Variants in POLK observed in about 807,000 individuals in gnomAD.
The protein encoded by POLK is DNA polymerase kappa, also known as polymerase (DNA directed) kappa.
POLK carries 76 observed loss-of-function variants against 94.0 expected under a neutral mutation model. That is an observed-to-expected ratio of 0.81 (90% CI 0.67 to 0.98). POLK has a LOEUF of 0.98. Among genes scored for constraint, POLK ranks in the 50% least tolerant of loss-of-function variants. POLK has a pLI of 0.00. For synonymous variants in POLK, 349 were observed against 325.4 expected, an observed-to-expected ratio of 1.07 and a Z score of -0.78; for missense variants, 954 against 1,010.1, an observed-to-expected ratio of 0.94 and a Z score of 0.75.
At chr5:75,511,414 G>T (rs1360845880), upstream of POLK, 1 of 1,545,370 alleles carries the variant, frequency 6.5e-7, no homozygotes, top group South Asian at 1.2e-5. Context: ...AGGACGAGCG[G>T]TGAAGGAAGC....
At chr5:75,573,210 T>C (rs436888) in intron 4 of POLK, among the ~76,000 whole-genome samples, 1 of 152,056 alleles carries the variant, frequency 6.6e-6, no homozygotes, top group Non-Finnish European at 1.5e-5. Context: ...CATGTCCTTT[T>C]TAGGGACATG....
In POLK at chr5:75,531,951, C is replaced by T. The variant is rs115853150; in HGVS notation, c.-13-15059C>T. Reference sequence around the variant, plus strand: ...TTGAAGATTTGACTAGAGGAGGATCCACTTCTATGGTCACTCACATGACCT... The same window carrying T: ...TTGAAGATTTGACTAGAGGAGGATCTACTTCTATGGTCACTCACATGACCT... On this transcript the variant is annotated intron_variant, in intron 1 of 14. Transcript: ENST00000241436. 7.4e-3 allele frequency among the ~76,000 whole-genome samples: 1,132 copies of T among 152,202 alleles called. 3 individuals carry two copies. The highest frequency in any genetic ancestry group is 9.8e-3 in the Non-Finnish European group (669 of 68,008).
At chr5:75,527,904 G>A (rs1343427034) in intron 1 of POLK, among the ~76,000 whole-genome samples, 1 of 152,080 alleles carries the variant, frequency 6.6e-6, no homozygotes, top group Non-Finnish European at 1.5e-5. Flanking sequence ...CAACCTAACT[G>A]CTGTCACTAG....
At chr5:75,607,356 T>C in the POLK span, among the ~76,000 whole-genome samples, 1 of 151,368 alleles carries the variant, frequency 6.6e-6, no homozygotes, top group Admixed American at 6.6e-5. Flanking sequence ...TGATCCCAGC[T>C]ACTCAGGAGG....
In POLK at chr5:75,557,961, G is replaced by T. The variant is rs1032597849; in HGVS notation, c.255+5370G>T. ...TCACTGCCATGCCTGGCTAGTTTTT[G>T]TATTTTTAGTTGAGACAGGGTTTCA... On this transcript the variant is annotated intron_variant, in intron 3 of 14. Coordinates refer to ENST00000241436, the Ensembl canonical transcript of POLK. Among the ~76,000 whole-genome samples the T allele has an allele frequency of 2.6e-5, 4 of 151,976 alleles. No homozygotes were observed. In the East Asian group the frequency reaches 7.7e-4, roughly 29 times the overall value.
At chr5:75,515,289 G>A (rs1409193852) in intron 1 of POLK, among the ~76,000 whole-genome samples, 2 of 151,896 alleles carry the variant, frequency 1.3e-5, no homozygotes, top group Non-Finnish European at 2.9e-5. Context: ...AGCAATAAAG[G>A]GATAGTGGAA....
chr5:75,522,609 A>C (rs557951274), intron 1 of POLK, among the ~76,000 whole-genome samples: 1 of 152,312 alleles, frequency 6.6e-6, no homozygotes, highest in African/African-American at 2.4e-5. Flanking sequence ...GTATGATATA[A>C]AAATGATTTC....
At chr5:75,533,107 T>G in intron 1 of POLK, among the ~76,000 whole-genome samples, 1 of 152,162 alleles carries the variant, frequency 6.6e-6, no homozygotes, top group East Asian at 1.9e-4. Flanking sequence ...CACTTGTCAG[T>G]TTTTGTTTTT....
intron 3 of POLK, among the ~76,000 whole-genome samples, chr5:75,557,401 T>C (rs1372008064): frequency 6.6e-6 from 1 of 152,144 alleles, no homozygotes; most frequent in Non-Finnish European, 1.5e-5. Flanking sequence ...TTGCATTGAG[T>C]GTATAGATGA....
chr5:75,538,944 G>A (rs1157873766), intron 1 of POLK, among the ~76,000 whole-genome samples: 1 of 151,892 alleles, frequency 6.6e-6, no homozygotes, highest in Non-Finnish European at 1.5e-5. Context: ...CCAATTTTTT[G>A]TATTTTTAGT....
At chr5:75,518,204 A>T (rs1374355019) in intron 1 of POLK, among the ~76,000 whole-genome samples, 1 of 152,152 alleles carries the variant, frequency 6.6e-6, no homozygotes, top group Non-Finnish European at 1.5e-5. Flanking sequence ...GAGTTTGAGT[A>T]GAAGTGAGAA....
intron 5 of POLK, 152 bp downstream of exon 5, chr5:75,574,021 C>T (rs1771739336): frequency 3.1e-6 from 2 of 650,122 alleles, no homozygotes; most frequent in South Asian, 1.9e-5. Context: ...ATATTGAATA[C>T]TGAGCTGCAT....
chr5:75,575,051 T>C (rs1771801818), intron 5 of POLK, among the ~76,000 whole-genome samples: 1 of 152,230 alleles, frequency 6.6e-6, no homozygotes, highest in Non-Finnish European at 1.5e-5. Context: ...CTCTTCAAAT[T>C]TGAGCCGGAT....
intron 8 of POLK, among the ~76,000 whole-genome samples, chr5:75,584,241 A>G (rs1439885787): frequency 6.6e-6 from 1 of 152,202 alleles, no homozygotes; most frequent in African/African-American, 2.4e-5. Flanking sequence ...TAAATTTGTC[A>G]ATCCCACCAT....
chr5:75,596,612 A>C (rs1773102821), exon 13 of POLK: 1 of 1,613,942 alleles, frequency 6.2e-7, no homozygotes, highest in Non-Finnish European at 8.5e-7. Flanking sequence ...GAAGCCTTGA[A>C]TAAACATGTA....
At chr5:75,535,559 TTCTC>T (rs369801969) in intron 1 of POLK, among the ~76,000 whole-genome samples, 1 of 152,220 alleles carries the variant, frequency 6.6e-6, no homozygotes, top group East Asian at 1.9e-4. Flanking sequence ...GTTGCTTACT[TTCTC>T]TCTCTCTCTT....
At chr5:75,511,442 A>AGCC (rs769638455), upstream of POLK, 10 of 1,535,646 alleles carry the variant, frequency 6.5e-6, no homozygotes, top group Middle Eastern at 4.0e-4. Context: ...TCCAGCCGTC[A>AGCC]GCCGCCGCCG....
At chr5:75,559,399 A>G (rs1401004217) in intron 3 of POLK, among the ~76,000 whole-genome samples, 1 of 152,078 alleles carries the variant, frequency 6.6e-6, no homozygotes, top group Non-Finnish European at 1.5e-5. Flanking sequence ...GTATAAGAAC[A>G]TGGGTTCATA....
chr5:75,571,771 C>G (rs1174258999), intron 4 of POLK, among the ~76,000 whole-genome samples: 1 of 152,180 alleles, frequency 6.6e-6, no homozygotes, highest in Non-Finnish European at 1.5e-5. Flanking sequence ...AACTAGAACC[C>G]ACTTTTGATA....
Sources: gnomAD v4.1 joint callset for allele counts (sites outside exome capture counted in the v4.1 genomes callset) on GRCh38, gnomAD v4.1.1 for gene constraint, MANE v1.5 for transcripts, NCBI Gene and HGNC (gene_info 2026-07-23, HGNC 2026-07-21) for gene names.